CYB561: variants seen among roughly 807,000 people sequenced by gnomAD.
The protein encoded by CYB561 is cytochrome b561, also known as transmembrane ascorbate-dependent reductase CYB561.
A neutral mutation model predicts 25.3 loss-of-function variants in CYB561; 11 were observed. That is an observed-to-expected ratio of 0.44 (90% CI 0.27 to 0.72). The LOEUF (loss-of-function observed/expected upper bound fraction) is 0.72. CYB561 is among the 30% of genes least tolerant of loss of function. The pLI is 0.18. For missense variants in CYB561, 295 were observed against 334.9 expected, an observed-to-expected ratio of 0.88 and a Z score of 0.93; for synonymous variants, 165 against 158.8, an observed-to-expected ratio of 1.04 and a Z score of -0.29.
chr17:63,436,148 C>T lies in CYB561; in HGVS notation c.207G>A (p.Leu69=), dbSNP rs35447397. 2,077 of 1,613,808 alleles carry T rather than the reference C, an allele frequency of 1.3e-3. 28 individuals are homozygous for T. The African/African-American group carries it at 0.025, about 19-fold the overall frequency. The change falls in exon 3 of 6, where the codon CTG becomes CTA. Residue 69 remains leucine (L), a synonymous_variant. Coordinates refer to ENST00000360793, the MANE Select transcript of CYB561 (RefSeq NM_001915.4). The surrounding 1 kb of genome is among the most constrained non-coding windows in gnomAD (Gnocchi z 4.8). ...IGLIFLQGNA[L]LVYRVFRNEA... ...CGTTCCTGAAGACACGGTAAACCAG[C>T]AGGGCTGTGGGAGGTGAGAGAGGGA...
intron 1 of CYB561, chr17:63,438,403 TGAG>T: frequency 1.8e-6 from 1 of 545,196 alleles, no homozygotes; most frequent in Non-Finnish European, 3.3e-6. Context: ...ATGCTGGCGA[TGAG>T]GAGGCCTCCC....
chr17:63,442,295 T>C (rs935665291), intron 1 of CYB561, among the ~76,000 whole-genome samples: 1 of 152,182 alleles, frequency 6.6e-6, no homozygotes, highest in African/African-American at 2.4e-5. Context: ...AGGGAAGGGC[T>C]GTCCCATGCC....
Position 63,443,087 on chromosome 17 carries a change from G to A in CYB561, c.-14+3158C>T, listed in dbSNP as rs142828249. ...GATATCTCTTCTTGATGGGTGAAGG[G>A]GAAAACAGCTCAATTGCCCTAGAGC... On this transcript the variant is annotated intron_variant, in intron 1 of 5. Transcript: ENST00000360793. 1.9e-3 allele frequency among the ~76,000 whole-genome samples: 287 copies of A among 152,302 alleles called. 1 individual carries two copies. Among genetic ancestry groups the A allele is most frequent in the African/African-American group, 6.6e-3 (275 of 41,560 alleles).
At position 63,436,214 on chromosome 17, in the gene CYB561, G is replaced by A. The variant is rs2049298918; in HGVS notation, c.203-62C>T. 3 of 1,575,224 alleles carry A rather than the reference G, an allele frequency of 1.9e-6. No homozygotes were observed. The highest frequency in any genetic ancestry group is 1.3e-5 in the African/African-American group (1 of 74,294). ...CCTGTGCGTGAGGCCTCCTGCCCCA[G>A]CAGCAAGGAGGCACCTTGGTGGAGA... On this transcript the variant is annotated intron_variant, in intron 2 of 5. Transcript: ENST00000360793. The surrounding 1 kb of genome is among the most constrained non-coding windows in gnomAD (Gnocchi z 4.8).
chr17:63,435,552 C>G, intron 4 of CYB561, 136 bp downstream of exon 4: 1 of 812,158 alleles, frequency 1.2e-6, no homozygotes, highest in South Asian at 1.6e-5. Context: ...CCCGCACAGG[C>G]CTGGGAAGGC....
rs765221609 is a variant in CYB561 at position 63,434,220 on chromosome 17, G to A, written c.*182C>T. 12 of 600,790 alleles carry A rather than the reference G, an allele frequency of 2.0e-5. No individual in the cohort carries two copies. Among genetic ancestry groups the A allele is most frequent in the Middle Eastern group, 4.4e-4 (1 of 2,274 alleles). 37.2% of individuals were successfully genotyped at this position (600,790 alleles called of 1,614,324 possible). ...ACACAATGAACTGGTCTATAGCAGC[G>A]GAGAAAGGAGAAGCAGAGGAGGCGG... On this transcript the variant is annotated 3_prime_UTR_variant, in exon 6 of 6. Transcript: ENST00000360793.
At chr17:63,440,286 C>T (rs937802299) in intron 1 of CYB561, 1 of 398,718 alleles carries the variant, frequency 2.5e-6, no homozygotes, top group Non-Finnish European at 4.4e-6. Context: ...CACTAGCTAG[C>T]AGGGCTGCCC....
chr17:63,434,304 G>T lies in CYB561; in HGVS notation c.*98C>A. ...TGCAGCTGCACCCACGCGCCCGCCTGCTGCCAGAGCCACTCTCCGGAGCCT... is the reference window on the plus strand; with the variant it reads ...TGCAGCTGCACCCACGCGCCCGCCTTCTGCCAGAGCCACTCTCCGGAGCCT... On this transcript the variant is annotated 3_prime_UTR_variant, in exon 6 of 6. Transcript: ENST00000360793. 1.7e-6 allele frequency: 2 copies of T among 1,166,680 alleles called. No homozygotes were observed. The highest frequency in any genetic ancestry group is 2.4e-6 in the Non-Finnish European group (2 of 848,104). The allele number at this position is 1,166,680 out of a possible 1,614,324, so 72.3% of individuals were successfully genotyped here. A position where few individuals can be genotyped will look rare whatever the true frequency, so the allele number is the denominator to read the frequency against.
rs202059024 is a variant in CYB561, at chr17:63,434,398, C to T, written c.*4G>A. 875 of 1,550,914 alleles carry T rather than the reference C, an allele frequency of 5.6e-4. No individual in the cohort carries two copies. The highest frequency in any genetic ancestry group is 1.4e-3 in the Admixed American group (75 of 52,262). On this transcript the variant is annotated 3_prime_UTR_variant, in exon 6 of 6. Coordinates refer to ENST00000360793, the MANE Select transcript of CYB561 (RefSeq NM_001915.4). ...CCGCGAACCCCCAGGGCCGGCCGGGCGCATCACTGGGAGCCGGGGCTATCT... is the reference window on the plus strand; with the variant it reads ...CCGCGAACCCCCAGGGCCGGCCGGGTGCATCACTGGGAGCCGGGGCTATCT...
At position 63,433,163 on chromosome 17, in the gene CYB561, G is replaced by A; in HGVS notation, c.*1239C>T. On this transcript the variant is annotated 3_prime_UTR_variant, in exon 6 of 6. Transcript: ENST00000360793. The stretch of plus-strand genomic sequence containing the variant: ...TTCTCCTGCCTCAGCCTCCCAAGTA[G>A]CTGGGACTACAGGCGCCCACCACCA... 2.7e-6 allele frequency: 1 copy of A among 364,358 alleles called. No homozygotes were observed. Among genetic ancestry groups the A allele is most frequent in the Non-Finnish European group, 4.9e-6 (1 of 205,030 alleles). 22.6% of individuals were successfully genotyped at this position (364,358 alleles called of 1,614,324 possible). A position where few individuals can be genotyped will look rare whatever the true frequency, so the allele number is the denominator to read the frequency against.
chr17:63,443,415 G>A (rs2147502746), intron 1 of CYB561, among the ~76,000 whole-genome samples: 1 of 152,256 alleles, frequency 6.6e-6, no homozygotes, highest in African/African-American at 2.4e-5. Context: ...AGGGACCCGG[G>A]GTATCCAGGC....
In CYB561 at chr17:63,435,263, G is replaced by A. The variant is rs370694165; in HGVS notation, c.406-20C>T. 17 of 1,611,466 alleles carry A rather than the reference G, an allele frequency of 1.1e-5. No homozygotes were observed. Among genetic ancestry groups the A allele is most frequent in the East Asian group, 2.2e-5 (1 of 44,892 alleles). Reference sequence around the variant, plus strand: ...CAGCCACTAGGATTTGAAAGGAGACGGTTCCGGGACAGGGCGGCCGGACAC... The same window carrying A: ...CAGCCACTAGGATTTGAAAGGAGACAGTTCCGGGACAGGGCGGCCGGACAC... On this transcript the variant is annotated intron_variant, in intron 4 of 5. Transcript: ENST00000360793.
chr17:63,435,935 GT>G, intron 3 of CYB561, 118 bp downstream of exon 3: 1 of 1,593,272 alleles, frequency 6.3e-7, no homozygotes, highest in Non-Finnish European at 8.6e-7. Context: ...TGCAGGGGAT[GT>G]TTGGGGTGGG....
chr17:63,435,368 T>G, intron 4 of CYB561, 125 bp from the exon 5 acceptor site: 1 of 1,063,150 alleles, frequency 9.4e-7, no homozygotes, highest in Non-Finnish European at 1.4e-6. Context: ...CCTGGTTTCC[T>G]TCCTCCTCAG....
At chr17:63,444,993 TG>T (rs2049409774) in intron 1 of CYB561, among the ~76,000 whole-genome samples, 1 of 152,172 alleles carries the variant, frequency 6.6e-6, no homozygotes, top group East Asian at 1.9e-4. Context: ...CTGGCCAACA[TG>T]GTGAAACCCC....
intron 1 of CYB561, among the ~76,000 whole-genome samples, chr17:63,438,911 A>G (rs1458855735): frequency 3.3e-5 from 5 of 152,182 alleles, no homozygotes; most frequent in African/African-American, 4.8e-5. Flanking sequence ...GCGCCACGGA[A>G]AAGTGCTGCC....
chr17:63,439,522 G>A (rs770168152), intron 1 of CYB561, among the ~76,000 whole-genome samples: 1 of 151,564 alleles, frequency 6.6e-6, no homozygotes, highest in Non-Finnish European at 1.5e-5. Context: ...GACAGAATGA[G>A]ACTCTGTCTC....
In CYB561 at chr17:63,435,873, G is replaced by A. The variant is rs371083867; in HGVS notation, c.302-82C>T. ...AGATGACCCAGGGGAACCAGCTAGC[G>A]GGACTTCTGGGCTTTAGTCCCAGCT... On this transcript the variant is annotated intron_variant, in intron 3 of 5. Coordinates refer to ENST00000360793, the MANE Select transcript of CYB561 (RefSeq NM_001915.4). 366 of 1,578,780 alleles carry A rather than the reference G, an allele frequency of 2.3e-4. 2 individuals carry two copies. The African/African-American group carries it at 4.1e-3, about 18-fold the overall frequency.
intron 1 of CYB561, among the ~76,000 whole-genome samples, chr17:63,444,291 G>A (rs1207395241): frequency 6.6e-6 from 1 of 152,264 alleles, no homozygotes; most frequent in Non-Finnish European, 1.5e-5. Context: ...TTAGAGAGAT[G>A]TGATTTCAAA....
Sources: allele counts gnomAD v4.1 joint callset (sites outside exome capture counted in the v4.1 genomes callset), GRCh38; gene constraint gnomAD v4.1.1; non-coding constraint Gnocchi (gnomAD v3.1); transcripts MANE v1.5; gene names NCBI Gene and HGNC (gene_info 2026-07-23, HGNC 2026-07-21).